KIAA0825: variants seen among roughly 807,000 people sequenced by gnomAD.
The protein encoded by KIAA0825 is uncharacterized protein KIAA0825.
KIAA0825 carries 119 observed loss-of-function variants against 147.6 expected under a neutral mutation model. The observed-to-expected ratio is 0.81, with a 90% CI of 0.69 to 0.94. The LOEUF (loss-of-function observed/expected upper bound fraction) is 0.94. Among genes scored for constraint, KIAA0825 ranks in the 40% least tolerant of loss-of-function variants. The pLI, the probability that KIAA0825 is intolerant of heterozygous loss-of-function variation, is 0.00. For missense variants in KIAA0825, 1,381 were observed against 1,472.7 expected, an observed-to-expected ratio of 0.94 and a Z score of 1.02; for synonymous variants, 470 against 518.1, an observed-to-expected ratio of 0.91 and a Z score of 1.26.
At chr5:94,187,401 A>G (rs373852616) in intron 20 of KIAA0825, among the ~76,000 whole-genome samples, 3 of 74,464 alleles carry the variant, frequency 4.0e-5, no homozygotes, top group Admixed American at 1.3e-4. Flanking sequence ...GAGAGAAAGG[A>G]GTTTTTTTTT....
At chr5:94,341,919 C>T (rs1034352204) in intron 20 of KIAA0825, among the ~76,000 whole-genome samples, 3 of 152,068 alleles carry the variant, frequency 2.0e-5, no homozygotes, top group Non-Finnish European at 4.4e-5. Context: ...CTCGGCCAGA[C>T]GCGGTGGCTC....
At chr5:94,331,795 A>G (rs1370254143) in intron 20 of KIAA0825, among the ~76,000 whole-genome samples, 1 of 152,210 alleles carries the variant, frequency 6.6e-6, no homozygotes, top group East Asian at 1.9e-4. Flanking sequence ...ATTGATGCAG[A>G]AAAACAACTT....
At chr5:94,166,848 A>G (rs1488877906) in intron 20 of KIAA0825, among the ~76,000 whole-genome samples, 1 of 152,094 alleles carries the variant, frequency 6.6e-6, no homozygotes, top group Admixed American at 6.5e-5. Context: ...TTTGAGTAAT[A>G]AAATCATTAT....
intron 14 of KIAA0825, among the ~76,000 whole-genome samples, chr5:94,429,263 A>AT (rs1439745536): frequency 6.6e-6 from 1 of 151,838 alleles, no homozygotes; most frequent in African/African-American, 2.4e-5. Flanking sequence ...CTATATTTAG[A>AT]TTTTTCATTG....
intron 5 of KIAA0825, among the ~76,000 whole-genome samples, chr5:94,491,367 G>C (rs1263757585): frequency 6.6e-6 from 1 of 152,062 alleles, no homozygotes; most frequent in Non-Finnish European, 1.5e-5. Flanking sequence ...GACCATGTAG[G>C]AACAAACAAT....
chr5:94,362,882 G>A (rs1745271138), intron 20 of KIAA0825, among the ~76,000 whole-genome samples: 1 of 152,178 alleles, frequency 6.6e-6, no homozygotes, highest in Admixed American at 6.5e-5. Context: ...GCTATATAAT[G>A]CTTTTGTCTG....
At chr5:94,464,162 C>CAGAAT in intron 11 of KIAA0825, among the ~76,000 whole-genome samples, 1 of 150,848 alleles carries the variant, frequency 6.6e-6, no homozygotes, top group Middle Eastern at 3.5e-3. Context: ...GTCTGAATCA[C>CAGAAT]ATTATACAGA....
chr5:94,511,797 G>A (rs1766518223), intron 5 of KIAA0825, among the ~76,000 whole-genome samples: 1 of 152,006 alleles, frequency 6.6e-6, no homozygotes, highest in Non-Finnish European at 1.5e-5. Context: ...AGACCAGCCT[G>A]TCCAACATGA....
chr5:94,166,127 A>G (rs1469125956), intron 20 of KIAA0825, among the ~76,000 whole-genome samples: 1 of 152,208 alleles, frequency 6.6e-6, no homozygotes, highest in Non-Finnish European at 1.5e-5. Flanking sequence ...CCATAAATAT[A>G]TACACCTATG....
At chr5:94,513,847 A>G (rs961681842) in intron 5 of KIAA0825, among the ~76,000 whole-genome samples, 1 of 152,004 alleles carries the variant, frequency 6.6e-6, no homozygotes, top group African/African-American at 2.4e-5. Context: ...AGAATTGAAA[A>G]AAAAAAAAGA....
chr5:94,197,749 A>G (rs1038998152), intron 20 of KIAA0825, among the ~76,000 whole-genome samples: 1 of 152,068 alleles, frequency 6.6e-6, no homozygotes, highest in African/African-American at 2.4e-5. Context: ...ATTGCTTGTT[A>G]TTGCTGACTT....
rs769648904 is a variant in KIAA0825 at position 94,154,072 on chromosome 5, C to T, written c.3763G>A (p.Glu1255Lys). 6.4e-7 allele frequency: 1 copy of T among 1,551,676 alleles called. No individual in the cohort carries two copies. Among genetic ancestry groups the T allele is most frequent in the South Asian group, 1.2e-5 (1 of 84,052 alleles). Residue 1255 changes from glutamate (E) to lysine (K), a missense_variant, in exon 21 of 21, where the codon GAG (glutamate) becomes AAG (lysine). Glu to Lys is a moderately conservative substitution (Grantham distance 56). Transcript: ENST00000682413. Reference protein sequence around the residue: ...TLEEEEKAILEHLKQICTPQN... With the variant: ...TLEEEEKAILKHLKQICTPQN... ...GGGGTGCAAATTTGTTTTAAGTGCT[C>T]CAGTATTGCTTTTTCTTCCTCTTCT...
chr5:94,593,599 A>G (rs1784732801), intron 1 of KIAA0825: 1 of 519,570 alleles, frequency 1.9e-6, no homozygotes, highest in Admixed American at 2.8e-5. Context: ...TATGTTATTG[A>G]TGTCAGAGGA....
chr5:94,508,049 C>A (rs142361157), intron 5 of KIAA0825, among the ~76,000 whole-genome samples: 159 of 151,984 alleles, frequency 1.0e-3, no homozygotes, highest in African/African-American at 3.6e-3. Flanking sequence ...GTTATTTTTT[C>A]TTTTCCATTT....
At chr5:94,265,378 C>A (rs1436041662) in intron 20 of KIAA0825, among the ~76,000 whole-genome samples, 2 of 152,118 alleles carry the variant, frequency 1.3e-5, no homozygotes, top group African/African-American at 4.8e-5. Flanking sequence ...AAATGTTTGC[C>A]TTTTTCACTG....
At chr5:94,461,242 A>T (rs916043228) in intron 12 of KIAA0825, among the ~76,000 whole-genome samples, 24 of 151,984 alleles carry the variant, frequency 1.6e-4, no homozygotes, top group African/African-American at 5.8e-4. Flanking sequence ...CAAAGCATGA[A>T]ATTCAATATT....
At chr5:94,272,285 C>T (rs1777029288) in intron 20 of KIAA0825, among the ~76,000 whole-genome samples, 1 of 151,724 alleles carries the variant, frequency 6.6e-6, no homozygotes, top group South Asian at 2.1e-4. Flanking sequence ...GATAGCACAA[C>T]AGAGTGACTA....
Position 94,575,782 on chromosome 5 carries a change from C to A in KIAA0825, c.-2+6651G>T, listed in dbSNP as rs75653274. Among the ~76,000 whole-genome samples, 5 of 152,136 alleles carry A rather than the reference C, an allele frequency of 3.3e-5. No individual in the cohort carries two copies. In the East Asian group the frequency reaches 9.6e-4, roughly 29 times the overall value. On this transcript the variant is annotated intron_variant, in intron 2 of 20. Transcript: ENST00000682413. Reference sequence around the variant, plus strand: ...GATACCATACATTGCATACACATGCCGGCCTTTGGCTGAGGAGTGGGTGAC... The same window carrying A: ...GATACCATACATTGCATACACATGCAGGCCTTTGGCTGAGGAGTGGGTGAC...
intron 20 of KIAA0825, among the ~76,000 whole-genome samples, chr5:94,212,886 A>T (rs1019023474): frequency 1.3e-5 from 2 of 152,230 alleles, no homozygotes; most frequent in African/African-American, 4.8e-5. Context: ...ATCACAAGAC[A>T]TGTAAAAATG....
Sources: allele counts gnomAD v4.1 joint callset (sites outside exome capture counted in the v4.1 genomes callset), GRCh38; gene constraint gnomAD v4.1.1; transcripts MANE v1.5; gene names NCBI Gene and HGNC (gene_info 2026-07-23, HGNC 2026-07-21).